The following DAGLB variants were observed in gnomAD, a reference collection of about 807,000 sequenced individuals.
DAGLB encodes the protein diacylglycerol lipase-beta.
A neutral mutation model predicts 72.1 loss-of-function variants in DAGLB; 66 were observed. The ratio of observed to expected loss-of-function variants is 0.92; its 90% CI spans 0.75 to 1.12. DAGLB has a LOEUF of 1.12. DAGLB is among the 50% of genes most tolerant of loss of function. The probability of loss-of-function intolerance (pLI) is 0.00; values close to 1 mark genes in which losing one functional copy is unlikely to be tolerated. For missense variants in DAGLB, 1,065 were observed against 884.9 expected (o/e 1.20, Z -2.58); for synonymous variants, 414 against 359.5 (o/e 1.15, Z -1.71).
chr7:6,434,268 G>A (rs1419990063), intron 4 of DAGLB, among the ~76,000 whole-genome samples: 4 of 151,712 alleles, frequency 2.6e-5, no homozygotes, highest in African/African-American at 9.7e-5. Flanking sequence ...TTCAAATTGC[G>A]GAAGAACTCG....
At chr7:6,428,442 G>T (rs836528) in intron 6 of DAGLB, among the ~76,000 whole-genome samples, 3 of 151,372 alleles carry the variant, frequency 2.0e-5, no homozygotes, top group Non-Finnish European at 2.9e-5. Flanking sequence ...AATTCAGAGA[G>T]GGATAGGACA....
At chr7:6,443,947 G>A (rs1784915364) in intron 2 of DAGLB, among the ~76,000 whole-genome samples, 1 of 152,098 alleles carries the variant, frequency 6.6e-6, no homozygotes, top group African/African-American at 2.4e-5. Flanking sequence ...GTTATCTACA[G>A]AAAACTGTAA....
At chr7:6,428,315 CA>C (rs749361631) in intron 6 of DAGLB, among the ~76,000 whole-genome samples, 8,964 of 76,796 alleles carry the variant, frequency 0.12, 272 homozygotes, top group East Asian at 0.4. Flanking sequence ...GACTCTGTCT[CA>C]AAAAAAAAAA....
Position 6,424,836 on chromosome 7 carries a change from C to G in DAGLB, c.1057-1G>C. The stretch of plus-strand genomic sequence containing the variant: ...CCACTAAAAACGGCAGCTCGTAAAC[C>G]TGCAGGAGCAAGAAACAAGCATGGG... On this transcript the variant is annotated splice_acceptor_variant, in intron 7 of 14. Transcript: ENST00000297056. LOFTEE classifies it high-confidence loss of function. 6.2e-7 allele frequency: 1 copy of G among 1,613,654 alleles called. No homozygotes were observed. Among genetic ancestry groups the G allele is most frequent in the Non-Finnish European group, 8.5e-7 (1 of 1,179,692 alleles).
chr7:6,411,097 C>T (rs573355257), intron 13 of DAGLB, among the ~76,000 whole-genome samples: 37 of 151,948 alleles, frequency 2.4e-4, no homozygotes, highest in African/African-American at 6.5e-4. Flanking sequence ...TGGTCTCTAT[C>T]TCCTGACCTC....
In DAGLB at chr7:6,412,861, C is replaced by A. The variant is rs766451252; in HGVS notation, c.1519G>T (p.Asp507Tyr). 22 of 1,606,806 alleles carry A rather than the reference C, an allele frequency of 1.4e-5. No individual in the cohort carries two copies. The highest frequency in any genetic ancestry group is 1.7e-4 in the Middle Eastern group (1 of 6,048). Residue 507 changes from aspartate to tyrosine, a missense_variant, in exon 13 of 15, where the codon GAT becomes TAT. Physicochemically the swap from Asp to Tyr is radical, Grantham distance 160 (BLOSUM62 -3). Transcript: ENST00000297056. ...IPRLSVTNLE[D>Y]LKRRILRVVA... ...ACTCGCAAGATTCTTCTCTTCAGAT[C>A]TTCCAAGTTGGTCACACTGAGCCTG...
At chr7:6,418,121 A>G (rs994214103) in intron 9 of DAGLB, among the ~76,000 whole-genome samples, 1 of 152,046 alleles carries the variant, frequency 6.6e-6, no homozygotes, top group Admixed American at 6.6e-5. Context: ...CACCCGCCTC[A>G]GCCTCCCAAA....
At chr7:6,438,863 A>ATGATG (rs1784742390) in intron 2 of DAGLB, among the ~76,000 whole-genome samples, 1 of 106,518 alleles carries the variant, frequency 9.4e-6, no homozygotes, top group South Asian at 2.9e-4. Context: ...TAAAAAAGAT[A>ATGATG]ATGATGATGA....
At chr7:6,415,737 C>T (rs985173494) in intron 11 of DAGLB, among the ~76,000 whole-genome samples, 3 of 150,452 alleles carry the variant, frequency 2.0e-5, no homozygotes, top group South Asian at 2.1e-4. Context: ...CCCAGCTACT[C>T]GGGAGGCTGA....
chr7:6,415,120 T>C (rs836500), intron 11 of DAGLB, among the ~76,000 whole-genome samples: 64,847 of 150,916 alleles, frequency 0.43, 18,489 homozygotes, highest in African/African-American at 0.79. Flanking sequence ...ATGACTGTGC[T>C]GCTGCACTCC....
At position 6,409,623 on chromosome 7, in the gene DAGLB, T is replaced by TATCA; in HGVS notation, c.*210_*213dup. The TATCA allele has an allele frequency of 3.2e-6, 2 of 624,572 alleles. No homozygotes were observed. The highest frequency in any genetic ancestry group is 5.5e-6 in the Non-Finnish European group (2 of 365,136). 38.7% of individuals were successfully genotyped at this position (624,572 alleles called of 1,614,324 possible). ...GGTCGCTGGGTCTCAGGAGTCGTCCTATCACCTGAGCGTGCTCACTACTTC... is the reference window on the plus strand; with the variant it reads ...GGTCGCTGGGTCTCAGGAGTCGTCCTATCAATCACCTGAGCGTGCTCACTACTTC... On this transcript the variant is annotated 3_prime_UTR_variant, in exon 15 of 15. Transcript: ENST00000297056.
intron 13 of DAGLB, 174 bp downstream of exon 13, chr7:6,412,637 C>A (rs1583278744): frequency 2.8e-6 from 2 of 717,920 alleles, no homozygotes; most frequent in Non-Finnish European, 4.7e-6. Flanking sequence ...CAGCCATTTG[C>A]TTTCTTAGAC....
At chr7:6,430,725 G>A (rs894349524) in intron 5 of DAGLB, 118 bp from the exon 6 acceptor site, 2 of 1,173,926 alleles carry the variant, frequency 1.7e-6, no homozygotes, top group Non-Finnish European at 2.2e-6. Flanking sequence ...TCGTTGAATA[G>A]AACTCTCAGA....
intron 2 of DAGLB, among the ~76,000 whole-genome samples, chr7:6,444,463 G>A (rs533851741): frequency 2.0e-5 from 3 of 151,990 alleles, no homozygotes; most frequent in Non-Finnish European, 4.4e-5. Context: ...TTAGCCAGGC[G>A]TGGTAGCGGG....
rs1264342778 is a variant in DAGLB, at chr7:6,434,746, G to T, written c.678+16C>A. 6.2e-7 allele frequency: 1 copy of T among 1,613,754 alleles called. No individual in the cohort carries two copies. The highest frequency in any genetic ancestry group is 1.7e-5 in the Admixed American group (1 of 59,982). ...GAAACAGAAGAAACAGACCAAACCA[G>T]ATCCCCTCGGCTTACTGAAAAGTAG... is the stretch of plus-strand genomic sequence containing the variant. On this transcript the variant is annotated intron_variant, in intron 4 of 14. Transcript: ENST00000297056.
chr7:6,434,082 C>T (rs947529271), intron 4 of DAGLB, among the ~76,000 whole-genome samples: 3 of 152,134 alleles, frequency 2.0e-5, no homozygotes, highest in Non-Finnish European at 4.4e-5. Flanking sequence ...AGGACCAGCC[C>T]TGAATGGTGC....
chr7:6,438,054 G>C (rs1420704690), intron 2 of DAGLB, among the ~76,000 whole-genome samples: 1 of 152,072 alleles, frequency 6.6e-6, no homozygotes, highest in Non-Finnish European at 1.5e-5. Context: ...TCCTTTGTAG[G>C]GACATGGATG....
At chr7:6,428,145 G>A (rs577433433) in intron 6 of DAGLB, among the ~76,000 whole-genome samples, 2 of 151,882 alleles carry the variant, frequency 1.3e-5, no homozygotes, top group South Asian at 2.1e-4. Context: ...TCAGGAGTTC[G>A]ACCAGCCTGG....
rs1335345502 is a variant in DAGLB at position 6,412,902 on chromosome 7, C to T, written c.1497-19G>A. ...ACTGAGCCTGTTTAGCAAAGGGGCACACTGAGGCTGGGACCTGGCACTCCC... is the reference window on the plus strand; with the variant it reads ...ACTGAGCCTGTTTAGCAAAGGGGCATACTGAGGCTGGGACCTGGCACTCCC... On this transcript the variant is annotated intron_variant, in intron 12 of 14. Coordinates refer to ENST00000297056, the MANE Select transcript of DAGLB (RefSeq NM_139179.4). 3.7e-6 allele frequency: 6 copies of T among 1,611,534 alleles called. No homozygotes were observed. Among genetic ancestry groups the T allele is most frequent in the Non-Finnish European group, 5.1e-6 (6 of 1,178,910 alleles).
Sources: allele counts gnomAD v4.1 joint callset (sites outside exome capture counted in the v4.1 genomes callset), GRCh38; gene constraint gnomAD v4.1.1; transcripts MANE v1.5; gene names NCBI Gene and HGNC (gene_info 2026-07-23, HGNC 2026-07-21).